The following PLIN2 variants were observed in gnomAD, a reference collection of about 807,000 sequenced individuals.
PLIN2 encodes perilipin-2.
In PLIN2, 33 loss-of-function variants were observed where a neutral mutation model predicts 30.6. The ratio of observed to expected loss-of-function variants is 1.08; its 90% CI spans 0.82 to 1.44. PLIN2 has a LOEUF of 1.44. PLIN2 is among the 40% of genes most tolerant of loss of function. The probability of loss-of-function intolerance (pLI) is 0.00; values close to 1 mark genes in which losing one functional copy is unlikely to be tolerated. For missense variants in PLIN2, 610 were observed against 531.8 expected (o/e 1.15, Z -1.45); for synonymous variants, 205 against 201.1 (o/e 1.02, Z -0.16).
chr9:19,124,980 C>A (rs908857120), intron 3 of PLIN2, among the ~76,000 whole-genome samples: 1 of 152,096 alleles, frequency 6.6e-6, no homozygotes, highest in African/African-American at 2.4e-5. Flanking sequence ...CACAAAAAAA[C>A]CCACACATTT....
chr9:19,118,974 T>A (rs1296472474), intron 6 of PLIN2, among the ~76,000 whole-genome samples: 4 of 152,230 alleles, frequency 2.6e-5, no homozygotes, highest in African/African-American at 7.2e-5. Flanking sequence ...ATTATAGGCA[T>A]GAGCCACCAC....
At chr9:19,120,626 T>G (rs1818299513) in intron 5 of PLIN2, among the ~76,000 whole-genome samples, 1 of 152,060 alleles carries the variant, frequency 6.6e-6, no homozygotes, top group Non-Finnish European at 1.5e-5. Context: ...AGGTGGATCG[T>G]TTGAGCCCAG....
At chr9:19,122,315 T>C (rs1173000080) in intron 4 of PLIN2, among the ~76,000 whole-genome samples, 2 of 152,150 alleles carry the variant, frequency 1.3e-5, no homozygotes, top group Non-Finnish European at 2.9e-5. Context: ...GATGGACCAC[T>C]ATTCAATGAT....
chr9:19,123,294 C>A, intron 4 of PLIN2: 1 of 1,435,362 alleles, frequency 7.0e-7, no homozygotes. Context: ...CTTGAGACAG[C>A]AATTTCATTT....
Position 19,119,756 on chromosome 9 carries a change from G to T in PLIN2, c.671C>A (p.Ser224Tyr). 1 of 1,611,734 alleles carries T rather than the reference G, an allele frequency of 6.2e-7. No homozygotes were observed. Among genetic ancestry groups the T allele is most frequent in the Non-Finnish European group, 8.5e-7 (1 of 1,178,098 alleles). ...GTAGGCACGGGAGTGAAGCTTGGTAGACAGGGATCCCAGTCTAACATAATA... is the reference window on the plus strand; with the variant it reads ...GTAGGCACGGGAGTGAAGCTTGGTATACAGGGATCCCAGTCTAACATAATA... ...PSYYVRLGSL[S>Y]TKLHSRAYQQ... Residue 224 changes from serine (S) to tyrosine (Y), a missense_variant, in exon 6 of 8, where the codon TCT (serine) becomes TAT (tyrosine). Coordinates refer to ENST00000276914, the MANE Select transcript of PLIN2 (RefSeq NM_001122.4).
intron 6 of PLIN2, among the ~76,000 whole-genome samples, chr9:19,118,770 T>C (rs1387978345): frequency 6.6e-6 from 1 of 152,198 alleles, no homozygotes; most frequent in Non-Finnish European, 1.5e-5. Context: ...TGAAGTACAG[T>C]GGCGCGATCA....
At chr9:19,119,579 A>C (rs868622623) in intron 6 of PLIN2, 71 bp downstream of exon 6, 15 of 892,300 alleles carry the variant, frequency 1.7e-5, no homozygotes, top group Middle Eastern at 7.7e-4. Flanking sequence ...GGATTTTGTG[A>C]TTACATTTAA....
chr9:19,121,025 C>T lies in PLIN2; in HGVS notation c.450G>A (p.Glu150=). 1 of 1,614,200 alleles carries T rather than the reference C, an allele frequency of 6.2e-7. No homozygotes were observed. Among genetic ancestry groups the T allele is most frequent in the Non-Finnish European group, 8.5e-7 (1 of 1,180,026 alleles). ...KTKGAVTGSV[E]KTKSVVSGSI... is the part of the protein sequence containing the mutation. ...TGCCACTGACCACAGACTTGGTCTT[C>T]TCCACACTGCCAGTCACTGCCCCTT... The change falls in exon 5 of 8, where the codon GAG becomes GAA. Residue 150 remains glutamate, a synonymous_variant. Coordinates refer to ENST00000276914, the MANE Select transcript of PLIN2 (RefSeq NM_001122.4).
In PLIN2 at chr9:19,123,596, C is replaced by T. The variant is rs140787521; in HGVS notation, c.278G>A (p.Arg93Lys). The stretch of plus-strand genomic sequence containing the variant: ...TGATGGCTGATTCAGAATAGGCAGT[C>T]TCTCCTCAATCCTGTCTAGCCCCTT... ...ACKGLDRIEE[R>K]LPILNQPSTQ... Residue 93 changes from arginine (R) to lysine (K), a missense_variant, in exon 4 of 8, where the codon AGA becomes AAA. By Grantham distance (26) the Arg-to-Lys change is conservative (BLOSUM62 2). Coordinates refer to ENST00000276914, the MANE Select transcript of PLIN2 (RefSeq NM_001122.4). 2.7e-4 allele frequency: 430 copies of T among 1,614,090 alleles called. No homozygotes were observed. The highest frequency in any genetic ancestry group is 3.5e-4 in the Non-Finnish European group (410 of 1,180,050).
intron 1 of PLIN2, among the ~76,000 whole-genome samples, chr9:19,126,677 T>C (rs538643942): frequency 1.3e-5 from 2 of 152,312 alleles, no homozygotes; most frequent in East Asian, 1.9e-4. Flanking sequence ...ATGTGTAAAC[T>C]TGCAATACTC....
chr9:19,109,251 C>T (rs767706051), intron 2 of PLIN2, among the ~76,000 whole-genome samples: 2 of 152,038 alleles, frequency 1.3e-5, no homozygotes, highest in African/African-American at 4.8e-5. Context: ...TAGCAAACAA[C>T]AGATTAAAAC....
In PLIN2 at chr9:19,116,526, T is replaced by A. The variant is rs528198390; in HGVS notation, c.1036A>T (p.Met346Leu). 1 of 1,614,070 alleles carries A rather than the reference T, an allele frequency of 6.2e-7. No homozygotes were observed. The highest frequency in any genetic ancestry group is 2.2e-5 in the East Asian group (1 of 44,900). ...PQNIQDQAKH[M>L]GVMAGDIYSV... ...TAGATGTCGCCTGCCATCACCCCCA[T>A]GTGCTTGGCTTGATCTTGGATGTTC... Residue 346 changes from methionine (M) to leucine (L), a missense_variant, in exon 8 of 8, where the codon ATG becomes TTG. Physicochemically the swap from Met to Leu is conservative, Grantham distance 15. Coordinates refer to ENST00000276914, the MANE Select transcript of PLIN2 (RefSeq NM_001122.4).
At chr9:19,108,977 G>A (rs893002281) in intron 2 of PLIN2, among the ~76,000 whole-genome samples, 2 of 152,084 alleles carry the variant, frequency 1.3e-5, no homozygotes, top group African/African-American at 4.8e-5. Flanking sequence ...AGTCAATGAA[G>A]CTTTTTTAAA....
At chr9:19,118,589 A>G (rs753914488) in intron 6 of PLIN2, 134 bp from the exon 7 acceptor site, 1 of 686,310 alleles carries the variant, frequency 1.5e-6, no homozygotes, top group Non-Finnish European at 2.3e-6. Context: ...TATTCCTGCT[A>G]TCATTATTAT....
chr9:19,126,554 C>A, intron 1 of PLIN2, 106 bp from the exon 2 acceptor site: 2 of 742,282 alleles, frequency 2.7e-6, no homozygotes, highest in Non-Finnish European at 4.6e-6. Flanking sequence ...GCAGGGTGAG[C>A]TCCCTGTAGT....
In PLIN2 at chr9:19,126,218, G is replaced by C; in HGVS notation, c.122C>G (p.Pro41Arg). Residue 41 changes from proline (P) to arginine (R), a missense_variant, in exon 3 of 8, where the codon CCC becomes CGC. Coordinates refer to ENST00000276914, the MANE Select transcript of PLIN2 (RefSeq NM_001122.4). Reference protein sequence around the residue: ...SAYLSTKDQYPYLKSVCEMAE... With the variant: ...SAYLSTKDQYRYLKSVCEMAE... ...CATCTCACACACAGACTTCAGGTAG[G>C]GATACTGGTCCTTTGTACTGAGATA... 1 of 1,614,092 alleles carries C rather than the reference G, an allele frequency of 6.2e-7. No homozygotes were observed. Among genetic ancestry groups the C allele is most frequent in the Non-Finnish European group, 8.5e-7 (1 of 1,179,968 alleles).
intron 3 of PLIN2, chr9:19,125,657 G>C (rs1362462591): frequency 1.3e-5 from 2 of 154,936 alleles, no homozygotes; most frequent in Non-Finnish European, 2.9e-5. Context: ...GTGGACAGGC[G>C]CGGTGGCTCA....
rs761426192 is a variant in PLIN2, at chr9:19,123,573, A to G, written c.301T>C (p.Ser101Pro). The change falls in exon 4 of 8, where the codon TCA becomes CCA. Residue 101 changes from serine (S) to proline (P), a missense_variant. Ser to Pro is a moderately conservative substitution (Grantham distance 74). Transcript: ENST00000276914. The stretch of plus-strand genomic sequence containing the variant: ...TTTTGTCCCAAGCTCACCTGAGTTG[A>G]TGGCTGATTCAGAATAGGCAGTCTC... Reference protein sequence around the residue: ...EERLPILNQPSTQIVANAKGA... With the variant: ...EERLPILNQPPTQIVANAKGA... The G allele has an allele frequency of 1.2e-6, 2 of 1,614,216 alleles. No homozygotes were observed. Among genetic ancestry groups the G allele is most frequent in the South Asian group, 2.2e-5 (2 of 91,084 alleles).
chr9:19,124,342 T>A (rs1221543662), intron 3 of PLIN2, among the ~76,000 whole-genome samples: 2 of 152,110 alleles, frequency 1.3e-5, no homozygotes. Context: ...CTACCTACGC[T>A]TACTTCAGCA....
Sources: allele counts gnomAD v4.1 joint callset (sites outside exome capture counted in the v4.1 genomes callset), GRCh38; gene constraint gnomAD v4.1.1; transcripts MANE v1.5; gene names NCBI Gene and HGNC (gene_info 2026-07-23, HGNC 2026-07-21).